Variants in SMOC2 observed in about 807,000 individuals in gnomAD.
The protein encoded by SMOC2 is SPARC-related modular calcium-binding protein 2.
Under a neutral mutation model 61.4 loss-of-function variants are expected in SMOC2, and 39 were observed. That is an observed-to-expected ratio of 0.64 (90% confidence interval 0.49 to 0.83). The LOEUF is 0.83. SMOC2 is among the 40% of genes least tolerant of loss of function. SMOC2 has a pLI of 0.00. For missense variants in SMOC2, 556 were observed against 592.9 expected (o/e 0.94, Z 0.65); for synonymous variants, 247 against 239.9 (o/e 1.03, Z -0.27).
At chr6:168,638,998 G>A (rs902949066) in intron 9 of SMOC2, among the ~76,000 whole-genome samples, 3 of 152,166 alleles carry the variant, frequency 2.0e-5, no homozygotes, top group African/African-American at 7.2e-5. Flanking sequence ...TTTATTGTGT[G>A]TAGACCTGGC....
At chr6:168,584,689 A>G (rs911788639) in intron 7 of SMOC2, among the ~76,000 whole-genome samples, 1 of 152,188 alleles carries the variant, frequency 6.6e-6, no homozygotes, top group African/African-American at 2.4e-5. Flanking sequence ...ATATTTTCTC[A>G]TCTCTTAGAA....
intron 1 of SMOC2, among the ~76,000 whole-genome samples, chr6:168,460,624 C>T (rs1217767194): frequency 3.3e-5 from 5 of 152,142 alleles, no homozygotes; most frequent in Admixed American, 6.5e-5. Context: ...CGGTGTGGGG[C>T]CAGGTGTCTT....
rs138944528 is a variant in SMOC2 at position 168,445,505 on chromosome 6, A to C, written c.84+4051A>C. 1.4e-4 allele frequency among the ~76,000 whole-genome samples: 21 copies of C among 152,362 alleles called. No individual in the cohort carries two copies. The East Asian group carries it at 4.0e-3, about 29-fold the overall frequency. Reference sequence around the variant, plus strand: ...AGATGATTTAATATTGATTTTGCTGAAACAGCCAAAATAAAAATGCTATTC... The same window carrying C: ...AGATGATTTAATATTGATTTTGCTGCAACAGCCAAAATAAAAATGCTATTC... On this transcript the variant is annotated intron_variant, in intron 1 of 12. Coordinates refer to ENST00000356284, the MANE Select transcript of SMOC2 (RefSeq NM_001166412.2).
chr6:168,538,027 G>C (rs1438597607), intron 4 of SMOC2, among the ~76,000 whole-genome samples: 1 of 152,050 alleles, frequency 6.6e-6, no homozygotes, highest in Non-Finnish European at 1.5e-5. Context: ...CTGGGGGAAT[G>C]GGGTGACCAC....
chr6:168,554,112 A>G (rs1352749212), intron 7 of SMOC2, among the ~76,000 whole-genome samples: 1 of 151,802 alleles, frequency 6.6e-6, no homozygotes, highest in African/African-American at 2.4e-5. Context: ...CGAGTCGGTT[A>G]AAACTCACCT....
intron 10 of SMOC2, among the ~76,000 whole-genome samples, chr6:168,652,076 CTG>C (rs985400048): frequency 6.6e-6 from 1 of 151,038 alleles, no homozygotes; most frequent in African/African-American, 2.4e-5. Context: ...TAGAGTCAAA[CTG>C]TATGTAAATT....
chr6:168,581,816 A>C (rs1193411212), intron 7 of SMOC2, among the ~76,000 whole-genome samples: 1 of 151,850 alleles, frequency 6.6e-6, no homozygotes, highest in Non-Finnish European at 1.5e-5. Context: ...TTCCTCATTG[A>C]CCGGGGCTGG....
rs1000184580 is a variant in SMOC2, at chr6:168,445,265, G to A, written c.84+3811G>A. On this transcript the variant is annotated intron_variant, in intron 1 of 12. Coordinates refer to ENST00000356284, the MANE Select transcript of SMOC2 (RefSeq NM_001166412.2). ...ACACTGCCGTTTCACCTCTCAGACT[G>A]TAGTTGACTTTCATCCTGAATCCTC... is the stretch of plus-strand genomic sequence containing the variant. Among the ~76,000 whole-genome samples, 4 of 152,292 alleles carry A rather than the reference G, an allele frequency of 2.6e-5. No individual in the cohort carries two copies. In the East Asian group the frequency reaches 7.7e-4, roughly 29 times the overall value.
chr6:168,594,457 TCC>T (rs1422165022), intron 7 of SMOC2, among the ~76,000 whole-genome samples: 1 of 3,198 alleles, frequency 3.1e-4, no homozygotes, highest in Non-Finnish European at 1.3e-3. Context: ...GAGCTCCTCC[TCC>T]TTCCTGAGGC....
At chr6:168,449,413 A>G (rs1466984770) in intron 1 of SMOC2, among the ~76,000 whole-genome samples, 2 of 152,236 alleles carry the variant, frequency 1.3e-5, no homozygotes, top group African/African-American at 4.8e-5. Context: ...GATAGGAGAT[A>G]GAAATTTCAA....
Position 168,503,065 on chromosome 6 carries a change from C to CTTT in SMOC2, c.85-6822_85-6820dup, listed in dbSNP as rs762736911. On this transcript the variant is annotated intron_variant, in intron 1 of 12. Coordinates refer to ENST00000356284, the MANE Select transcript of SMOC2 (RefSeq NM_001166412.2). ...ACAGGTGTGAGCCGCCGTGCCTGGC[C>CTTT]TTTTTTTTTTTTTTTTTTTTTTTTT... 5.4e-4 allele frequency among the ~76,000 whole-genome samples: 26 copies of CTTT among 47,824 alleles called. 1 individual carries two copies. The highest frequency in any genetic ancestry group is 2.3e-3 in the African/African-American group (22 of 9,576). 31.4% of individuals were successfully genotyped at this position (47,824 alleles called of 152,430 possible).
At chr6:168,640,647 T>A (rs1373705202) in intron 9 of SMOC2, among the ~76,000 whole-genome samples, 1 of 152,232 alleles carries the variant, frequency 6.6e-6, no homozygotes, top group Non-Finnish European at 1.5e-5. Flanking sequence ...TAACAATACA[T>A]GAATTTTTAG....
In SMOC2 at chr6:168,603,061, C is replaced by T. The variant is rs115877327; in HGVS notation, c.824+4057C>T. Among the ~76,000 whole-genome samples, 1,336 of 152,150 alleles carry T rather than the reference C, an allele frequency of 8.8e-3. 16 individuals are homozygous for T. The highest frequency in any genetic ancestry group is 0.031 in the African/African-American group (1,291 of 41,494). On this transcript the variant is annotated intron_variant, in intron 8 of 12. Coordinates refer to ENST00000356284, the MANE Select transcript of SMOC2 (RefSeq NM_001166412.2). The stretch of plus-strand genomic sequence containing the variant: ...GGGGTGGTTTCCTCCTTGCTGTTCT[C>T]GTGATAGTGAGTGAGTTATCATGAG...
chr6:168,631,388 G>C (rs1180357438), intron 9 of SMOC2, among the ~76,000 whole-genome samples: 1 of 152,172 alleles, frequency 6.6e-6, no homozygotes, highest in Non-Finnish European at 1.5e-5. Context: ...GTACACACTG[G>C]GTGCAAGAAA....
intron 9 of SMOC2, among the ~76,000 whole-genome samples, chr6:168,648,891 T>G (rs1195587749): frequency 1.3e-5 from 2 of 152,190 alleles, no homozygotes; most frequent in African/African-American, 4.8e-5. Context: ...CGTCCCTAAC[T>G]GCATAAACAG....
intron 7 of SMOC2, among the ~76,000 whole-genome samples, chr6:168,597,031 G>A (rs139671764): frequency 6.6e-6 from 1 of 152,314 alleles, no homozygotes; most frequent in Non-Finnish European, 1.5e-5. Context: ...CATTGTCATC[G>A]TGAAGACACG....
At chr6:168,664,902 C>T (rs1403206952) in intron 12 of SMOC2, 4 of 446,802 alleles carry the variant, frequency 9.0e-6, no homozygotes, top group Admixed American at 5.0e-5. Context: ...TTTGTCTGCA[C>T]CTGTTTGATG....
chr6:168,468,162 C>T (rs1428889965), intron 1 of SMOC2, among the ~76,000 whole-genome samples: 1 of 152,152 alleles, frequency 6.6e-6, no homozygotes, highest in African/African-American at 2.4e-5. Flanking sequence ...CAACAATGAG[C>T]ACCATGAGGA....
At chr6:168,556,475 A>G (rs933883181) in intron 7 of SMOC2, among the ~76,000 whole-genome samples, 6 of 151,976 alleles carry the variant, frequency 3.9e-5, no homozygotes, top group African/African-American at 1.2e-4. Context: ...CTGGGCACTG[A>G]TGCCTCATCT....
Sources: allele counts gnomAD v4.1 joint callset (sites outside exome capture counted in the v4.1 genomes callset), GRCh38; gene constraint gnomAD v4.1.1; transcripts MANE v1.5; gene names NCBI Gene and HGNC (gene_info 2026-07-23, HGNC 2026-07-21).